Variants in TMEM248 observed in about 807,000 individuals in gnomAD.
The protein encoded by TMEM248 is transmembrane protein 248, also known as UPF0458 protein C7orf42.
In TMEM248, 9 loss-of-function variants were observed where a neutral mutation model predicts 30.3. The ratio of observed to expected loss-of-function variants is 0.30; its 90% CI spans 0.18 to 0.52. The LOEUF (loss-of-function observed/expected upper bound fraction) is 0.52, where lower values mean the gene tolerates loss of function less well. TMEM248 is among the 20% of genes least tolerant of loss of function. The probability of loss-of-function intolerance (pLI) is 0.97; values close to 1 mark genes in which losing one functional copy is unlikely to be tolerated. For missense variants in TMEM248, 338 were observed against 403.3 expected (o/e 0.84, Z 1.39); for synonymous variants, 184 against 154.4 (o/e 1.19, Z -1.42).
In TMEM248 at chr7:66,948,578, C is replaced by T. The variant is rs2129225329; in HGVS notation, c.480C>T (p.Phe160=). The change falls in exon 4 of 7, where the codon TTC becomes TTT. Residue 160 remains phenylalanine, a synonymous_variant. Transcript: ENST00000341567. Reference sequence around the variant, plus strand: ...CCCACGAGGAGATAAACATCACCTTCACCCTGCCTACAGCGTGGAGCTCAG... The same window carrying T: ...CCCACGAGGAGATAAACATCACCTTTACCCTGCCTACAGCGTGGAGCTCAG... ...REAHEEINIT[F]TLPTAWSSDD... 1 of 1,614,028 alleles carries T rather than the reference C, an allele frequency of 6.2e-7. No individual in the cohort carries two copies. The highest frequency in any genetic ancestry group is 8.5e-7 in the Non-Finnish European group (1 of 1,179,930).
intron 5 of TMEM248, among the ~76,000 whole-genome samples, 195 bp from the exon 6 acceptor site, chr7:66,953,031 G>A (rs533109657): frequency 1.9e-3 from 286 of 152,268 alleles, no homozygotes; most frequent in Non-Finnish European, 3.1e-3. Context: ...AGAGGCTCGG[G>A]AGCACCATGT....
intron 3 of TMEM248, among the ~76,000 whole-genome samples, chr7:66,947,875 T>C (rs990515077): frequency 6.6e-6 from 1 of 152,040 alleles, no homozygotes; most frequent in Admixed American, 6.6e-5. Flanking sequence ...TGATCCTCCC[T>C]AGTACCTGGG....
rs112798064 is a variant in TMEM248, at chr7:66,938,454, G to A, written c.-18-3394G>A. 1.3e-3 allele frequency among the ~76,000 whole-genome samples: 194 copies of A among 152,218 alleles called. 1 individual carries two copies. Among genetic ancestry groups the A allele is most frequent in the African/African-American group, 4.5e-3 (187 of 41,542 alleles). ...ATACTTTAAATGGGTGAATTGTATGGTATGTGAATTATTTCTTAATACTAT... is the reference window on the plus strand; with the variant it reads ...ATACTTTAAATGGGTGAATTGTATGATATGTGAATTATTTCTTAATACTAT... On this transcript the variant is annotated intron_variant, in intron 1 of 6. Transcript: ENST00000341567.
intron 1 of TMEM248, among the ~76,000 whole-genome samples, chr7:66,931,300 A>G (rs1233540522): frequency 2.1e-5 from 2 of 96,600 alleles, no homozygotes; most frequent in Middle Eastern, 5.1e-3. Flanking sequence ...AATATCTCAA[A>G]AAAAAAAAAA....
chr7:66,928,216 GA>G (rs904888305), intron 1 of TMEM248, among the ~76,000 whole-genome samples: 8 of 149,398 alleles, frequency 5.4e-5, no homozygotes, highest in Admixed American at 2.7e-4. Context: ...ACTCAGTCTT[GA>G]AAAAAAAAGA....
chr7:66,949,465 C>CA (rs57888105), intron 4 of TMEM248, among the ~76,000 whole-genome samples: 4 of 152,020 alleles, frequency 2.6e-5, no homozygotes, highest in Non-Finnish European at 4.4e-5. Context: ...GACTCTGTCT[C>CA]AAAAAAATAA....
rs767146942 is a variant in TMEM248, at chr7:66,953,202, AT to A, written c.781-16del. ...CAGTCACTCAGAGCAGATGTTTCTG[AT>A]TTTTTTTCTCTTCTTTATTTAGGAT... On this transcript the variant is annotated intron_variant, in intron 5 of 6. Transcript: ENST00000341567. The A allele has an allele frequency of 2.5e-6, 4 of 1,611,694 alleles. No individual in the cohort carries two copies. In the African/African-American group the frequency reaches 4.0e-5, roughly 16 times the overall value.
chr7:66,922,482 CTTAGGTGTGCA>C (rs1791411263), intron 1 of TMEM248, among the ~76,000 whole-genome samples: 2 of 152,106 alleles, frequency 1.3e-5, no homozygotes, highest in African/African-American at 4.8e-5. Context: ...CTAAGGTATA[CTTAGGTGTGCA>C]TTGACCCTAA....
At chr7:66,941,466 G>A (rs1382944106) in intron 1 of TMEM248, among the ~76,000 whole-genome samples, 1 of 151,592 alleles carries the variant, frequency 6.6e-6, no homozygotes, top group African/African-American at 2.4e-5. Flanking sequence ...GAGGTGGGAG[G>A]ATAGCTTAAG....
intron 1 of TMEM248, among the ~76,000 whole-genome samples, chr7:66,930,196 G>A (rs1025935476): frequency 4.6e-5 from 7 of 152,144 alleles, no homozygotes; most frequent in African/African-American, 1.7e-4. Context: ...GGTAAATGAC[G>A]GTGTTTTTCC....
intron 1 of TMEM248, among the ~76,000 whole-genome samples, chr7:66,931,100 T>G (rs1791652089): frequency 6.6e-6 from 1 of 151,716 alleles, no homozygotes; most frequent in African/African-American, 2.4e-5. Flanking sequence ...GTCAGGAGTT[T>G]GAGACCAGCC....
chr7:66,930,042 C>G (rs1346370537), intron 1 of TMEM248, among the ~76,000 whole-genome samples: 1 of 151,980 alleles, frequency 6.6e-6, no homozygotes, highest in African/African-American at 2.4e-5. Context: ...CACTTGTAGT[C>G]CCAGCTACTT....
chr7:66,958,453 T>C lies in TMEM248; in HGVS notation c.*2931T>C, dbSNP rs917980449. On this transcript the variant is annotated 3_prime_UTR_variant, in exon 7 of 7. Transcript: ENST00000341567. ...GTCCATTTCACCTCTTGCTGCATGA[T>C]GGTCAGTAGCTGATCTGTTATGGCA... 1.3e-5 allele frequency: 2 copies of C among 152,744 alleles called. No individual in the cohort carries two copies. The highest frequency in any genetic ancestry group is 2.4e-5 in the African/African-American group (1 of 41,468). 9.5% of individuals were successfully genotyped at this position (152,744 alleles called of 1,614,324 possible).
intron 2 of TMEM248, among the ~76,000 whole-genome samples, chr7:66,942,816 A>T: frequency 8.9e-6 from 1 of 112,550 alleles, no homozygotes; most frequent in African/African-American, 3.4e-5. Flanking sequence ...CTTTTAGTAG[A>T]TTCCTTGGGT....
chr7:66,931,297 CAAAAAAA>C (rs758131446), intron 1 of TMEM248, among the ~76,000 whole-genome samples: 38 of 64,390 alleles, frequency 5.9e-4, no homozygotes, highest in African/African-American at 8.0e-4. Flanking sequence ...GACAATATCT[CAAAAAAA>C]AAAAAAAAAA....
At chr7:66,927,967 C>T (rs1247117946) in intron 1 of TMEM248, among the ~76,000 whole-genome samples, 5 of 152,152 alleles carry the variant, frequency 3.3e-5, no homozygotes, top group Non-Finnish European at 5.9e-5. Flanking sequence ...GTAATCCCAG[C>T]ACTTTGGGAA....
At chr7:66,949,450 A>G (rs1453873018) in intron 4 of TMEM248, among the ~76,000 whole-genome samples, 1 of 152,224 alleles carries the variant, frequency 6.6e-6, no homozygotes, top group Admixed American at 6.5e-5. Flanking sequence ...CCTGGGCAAC[A>G]GCAAGACTCT....
At chr7:66,950,346 AC>A (rs1053043007) in intron 4 of TMEM248, among the ~76,000 whole-genome samples, 108 of 152,190 alleles carry the variant, frequency 7.1e-4, no homozygotes, top group African/African-American at 2.3e-3. Context: ...GGAGATTGTT[AC>A]CCCCATGCTG....
At chr7:66,949,377 C>T (rs1792201698) in intron 4 of TMEM248, among the ~76,000 whole-genome samples, 1 of 152,040 alleles carries the variant, frequency 6.6e-6, no homozygotes, top group Middle Eastern at 3.2e-3. Flanking sequence ...ATCCCAGCTA[C>T]TCAGAGGCTA....
Sources: allele counts gnomAD v4.1 joint callset (sites outside exome capture counted in the v4.1 genomes callset), GRCh38; gene constraint gnomAD v4.1.1; transcripts MANE v1.5; gene names NCBI Gene and HGNC (gene_info 2026-07-23, HGNC 2026-07-21).